BTNL9: variants seen among roughly 807,000 people sequenced by gnomAD.
The protein encoded by BTNL9 is butyrophilin like 9.
In BTNL9, 45 loss-of-function variants were observed where a neutral mutation model predicts 45.8. That is an observed-to-expected ratio of 0.98 (90% CI 0.77 to 1.26). The LOEUF (loss-of-function observed/expected upper bound fraction) is 1.26, where lower values mean the gene tolerates loss of function less well. Among genes scored for constraint, BTNL9 ranks in the 50% most tolerant of loss-of-function variants. The pLI is 0.00. For synonymous variants in BTNL9, 346 were observed against 330.8 expected, an observed-to-expected ratio of 1.05 and a Z score of -0.50; for missense variants, 784 against 729.7, an observed-to-expected ratio of 1.07 and a Z score of -0.86.
chr5:181,059,233 G>A lies in BTNL9; in HGVS notation c.983-4G>A, dbSNP rs1296744784. 1 of 1,541,838 alleles carries A rather than the reference G, an allele frequency of 6.5e-7. No individual in the cohort carries two copies. Among genetic ancestry groups the A allele is most frequent in the Non-Finnish European group, 8.7e-7 (1 of 1,153,906 alleles). On this transcript the variant is annotated splice_region_variant and splice_polypyrimidine_tract_variant and intron_variant, in intron 10 of 10. Coordinates refer to ENST00000327705, the MANE Select transcript of BTNL9 (RefSeq NM_152547.5). ...GCGGGCACTAACGCTGTGGCTCTGC[G>A]CAGTGGATGTGACGCTGGACCCGGC...
intron 3 of BTNL9, among the ~76,000 whole-genome samples, chr5:181,048,476 CG>C (rs1437208467): frequency 2.6e-5 from 4 of 151,880 alleles, no homozygotes; most frequent in Non-Finnish European, 4.4e-5. Context: ...TGAAAAGGGC[CG>C]GGTACAGTGG....
At chr5:181,041,682 G>A (rs532234060) in intron 1 of BTNL9, among the ~76,000 whole-genome samples, 10 of 152,158 alleles carry the variant, frequency 6.6e-5, no homozygotes, top group Non-Finnish European at 1.3e-4. Context: ...CCATTTATTT[G>A]TGAATCAAAA....
chr5:181,046,871 G>C (rs1339712498), intron 2 of BTNL9, among the ~76,000 whole-genome samples: 1 of 152,208 alleles, frequency 6.6e-6, no homozygotes, highest in East Asian at 1.9e-4. Flanking sequence ...TAGGGGATTA[G>C]CTGAGGTAGG....
intron 3 of BTNL9, among the ~76,000 whole-genome samples, chr5:181,049,504 G>C (rs1761418259): frequency 6.6e-6 from 1 of 152,206 alleles, no homozygotes; most frequent in Non-Finnish European, 1.5e-5. Flanking sequence ...GAGAAACATT[G>C]CAAAAGGGAA....
rs189142065 is a variant in BTNL9 at position 181,052,153 on chromosome 5, A to G, written c.737-1047A>G. 5.3e-5 allele frequency among the ~76,000 whole-genome samples: 8 copies of G among 152,362 alleles called. No individual in the cohort carries two copies. In the East Asian group the frequency reaches 1.5e-3, roughly 29 times the overall value. Reference sequence around the variant, plus strand: ...TGACCCAGTGTTTTTGTACCATACAATAAAAATGCACTGCTAGAAAAACAA... The same window carrying G: ...TGACCCAGTGTTTTTGTACCATACAGTAAAAATGCACTGCTAGAAAAACAA... On this transcript the variant is annotated intron_variant, in intron 4 of 10. Coordinates refer to ENST00000327705, the MANE Select transcript of BTNL9 (RefSeq NM_152547.5).
chr5:181,047,013 C>T (rs574119814), intron 2 of BTNL9, among the ~76,000 whole-genome samples: 1 of 152,222 alleles, frequency 6.6e-6, no homozygotes, highest in East Asian at 1.9e-4. Flanking sequence ...ATAGTGTGAA[C>T]AAAGGAAGGT....
intron 1 of BTNL9, among the ~76,000 whole-genome samples, chr5:181,044,048 G>C (rs1760949528): frequency 6.6e-6 from 1 of 152,216 alleles, no homozygotes; most frequent in African/African-American, 2.4e-5. Flanking sequence ...TCCTCTGTTT[G>C]TCCCCTCAAT....
chr5:181,054,334 C>T, intron 7 of BTNL9, 75 bp downstream of exon 7: 2 of 1,589,154 alleles, frequency 1.3e-6, no homozygotes, highest in Non-Finnish European at 1.7e-6. Context: ...GGAGGGGCTC[C>T]CTTTGGACAG....
At position 181,047,910 on chromosome 5, in the gene BTNL9, C is replaced by T. The variant is rs1561977314; in HGVS notation, c.110-17C>T. 1 of 1,604,040 alleles carries T rather than the reference C, an allele frequency of 6.2e-7. No individual in the cohort carries two copies. The highest frequency in any genetic ancestry group is 1.1e-5 in the South Asian group (1 of 90,570). On this transcript the variant is annotated splice_polypyrimidine_tract_variant and intron_variant, in intron 2 of 10. Transcript: ENST00000327705. ...TGGATGAGGGTTGCTTTTGCCTGTTCTGACTTGTCATCCTAGAGGTCAAGG... is the reference window on the plus strand; with the variant it reads ...TGGATGAGGGTTGCTTTTGCCTGTTTTGACTTGTCATCCTAGAGGTCAAGG...
At chr5:181,059,066 C>A (rs1204118770) in intron 10 of BTNL9, 171 bp from the exon 11 acceptor site, 11 of 704,154 alleles carry the variant, frequency 1.6e-5, no homozygotes, top group Non-Finnish European at 1.9e-5. Context: ...GAGTGACTGA[C>A]ACATGCCACT....
In BTNL9 at chr5:181,059,405, A is replaced by G. The variant is rs765162228; in HGVS notation, c.1151A>G (p.His384Arg). The G allele has an allele frequency of 2.0e-5, 31 of 1,514,474 alleles. No homozygotes were observed. In the South Asian group the frequency reaches 3.7e-4, roughly 18 times the overall value. The allele number at this position is 1,514,474 out of a possible 1,614,324, so 93.8% of individuals were successfully genotyped here. A position where few individuals can be genotyped will look rare whatever the true frequency, so the allele number is the denominator to read the frequency against. Residue 384 changes from histidine (H) to arginine (R), a missense_variant, in exon 11 of 11, where the codon CAC becomes CGC. His to Arg is a conservative substitution (Grantham distance 29). Coordinates refer to ENST00000327705, the MANE Select transcript of BTNL9 (RefSeq NM_152547.5). ...LSLERFSAGR[H>R]YWEVHVGRRS... ...CTGGAGCGGTTCTCCGCCGGCCGCC[A>G]CTACTGGGAGGTGCACGTGGGCCGC... is the stretch of plus-strand genomic sequence containing the variant.
In BTNL9 at chr5:181,053,945, T is replaced by C. The variant is rs1277562585; in HGVS notation, c.887-294T>C. ...AGTTACGTGAGGCAGTGTCCGGGGC[T>C]TAACGTTTCCGCCGAGCTAATAGAT... On this transcript the variant is annotated intron_variant, in intron 6 of 10. Coordinates refer to ENST00000327705, the MANE Select transcript of BTNL9 (RefSeq NM_152547.5). This position sits in a 1 kb window ranked among gnomAD's most constrained non-coding sequence, Gnocchi z 6.5. The C allele has an allele frequency of 2.0e-6, 3 of 1,521,570 alleles. No individual in the cohort carries two copies. Among genetic ancestry groups the C allele is most frequent in the Non-Finnish European group, 2.6e-6 (3 of 1,138,050 alleles). The allele number at this position is 1,521,570 out of a possible 1,614,324, so 94.3% of individuals were successfully genotyped here.
At chr5:181,051,432 A>G (rs1314891325) in intron 4 of BTNL9, among the ~76,000 whole-genome samples, 1 of 152,224 alleles carries the variant, frequency 6.6e-6, no homozygotes, top group Non-Finnish European at 1.5e-5. Flanking sequence ...TCTCAAGATA[A>G]ATGATAACTT....
chr5:181,050,663 G>A lies in BTNL9; in HGVS notation c.736+294G>A, dbSNP rs950709429. Among the ~76,000 whole-genome samples, 24 of 152,168 alleles carry A rather than the reference G, an allele frequency of 1.6e-4. No individual in the cohort carries two copies. Among genetic ancestry groups the A allele is most frequent in the African/African-American group, 4.1e-4 (17 of 41,422 alleles). ...AGGCATCATGGGAGCCAATAGATTC[G>A]TAATGCTGTCTCTCAAACAGTATGT... On this transcript the variant is annotated intron_variant, in intron 4 of 10. Coordinates refer to ENST00000327705, the MANE Select transcript of BTNL9 (RefSeq NM_152547.5). This position sits in a 1 kb window ranked among gnomAD's most constrained non-coding sequence, Gnocchi z 4.9.
intron 1 of BTNL9, among the ~76,000 whole-genome samples, chr5:181,041,035 T>C (rs569515447): frequency 5.9e-4 from 90 of 152,370 alleles, no homozygotes; most frequent in African/African-American, 2.1e-3. Flanking sequence ...CGCAGACATA[T>C]GCAGAGCAAA....
In BTNL9 at chr5:181,055,568, G is replaced by C; in HGVS notation, c.928+115G>C. 2.5e-6 allele frequency: 3 copies of C among 1,209,756 alleles called. No homozygotes were observed. Among genetic ancestry groups the C allele is most frequent in the South Asian group, 2.4e-5 (2 of 82,530 alleles). The allele number at this position is 1,209,756 out of a possible 1,614,324, so 74.9% of individuals were successfully genotyped here. On this transcript the variant is annotated intron_variant, in intron 8 of 10. Transcript: ENST00000327705. This position sits in a 1 kb window ranked among gnomAD's most constrained non-coding sequence, Gnocchi z 4.4. ...GTGGATCACGAGGTCAGGAGATCGAGACCAGCCTGGCTAACACAGTGAAAC... is the reference window on the plus strand; with the variant it reads ...GTGGATCACGAGGTCAGGAGATCGACACCAGCCTGGCTAACACAGTGAAAC...
rs1300262572 is a variant in BTNL9, at chr5:181,045,555, C to T, written c.66C>T (p.Phe22=). The change falls in exon 2 of 11, where the codon TTC becomes TTT. Residue 22 remains phenylalanine, a synonymous_variant. Transcript: ENST00000327705. The part of the protein sequence containing the change: ...KPVSLTSSLV[F]LMHLLLLQPG... ...TATCGCTGACCAGCAGTCTTGTCTT[C>T]CTCATGCACCTCCTCCTCCTTCAGC... 2 of 1,612,812 alleles carry T rather than the reference C, an allele frequency of 1.2e-6. No individual in the cohort carries two copies. The highest frequency in any genetic ancestry group is 2.2e-5 in the East Asian group (1 of 44,878).
chr5:181,056,531 A>G, intron 9 of BTNL9: 1 of 717,278 alleles, frequency 1.4e-6, no homozygotes, highest in Non-Finnish European at 2.6e-6. Flanking sequence ...TTTCCTCCTT[A>G]CTGCAGAGTG....
intron 7 of BTNL9, chr5:181,054,932 G>C: frequency 1.0e-6 from 1 of 985,504 alleles, no homozygotes; most frequent in Non-Finnish European, 1.2e-6. Flanking sequence ...GAAAGAGCTT[G>C]ACATTGGGTG....
Sources: allele counts gnomAD v4.1 joint callset (sites outside exome capture counted in the v4.1 genomes callset), GRCh38; gene constraint gnomAD v4.1.1; non-coding constraint Gnocchi (gnomAD v3.1); transcripts MANE v1.5; gene names NCBI Gene and HGNC (gene_info 2026-07-23, HGNC 2026-07-21).